TTC28: variants seen among roughly 807,000 people sequenced by gnomAD.
TTC28 encodes tetratricopeptide repeat domain 28, also known as tetratricopeptide repeat protein 28.
TTC28 carries 61 observed loss-of-function variants against 198.0 expected under a neutral mutation model. The ratio of observed to expected loss-of-function variants is 0.31; its 90% CI spans 0.25 to 0.38. The LOEUF is 0.38. Among genes scored for constraint, TTC28 ranks in the 10% least tolerant of loss-of-function variants. The pLI is 1.00. For missense variants in TTC28, 2,678 were observed against 3,164.0 expected (o/e 0.85, Z 3.69); for synonymous variants, 1,171 against 1,297.8 (o/e 0.90, Z 2.10).
chr22:27,983,344 G>C lies in TTC28; in HGVS notation c.6323C>G (p.Ser2108Cys). Residue 2108 changes from serine (S) to cysteine (C), a missense_variant, in exon 23 of 23, where the codon TCT (serine) becomes TGT (cysteine). Ser to Cys is a moderately radical substitution (Grantham distance 112, BLOSUM62 -1). Around this residue, in one of 8 missense-constraint regions of TTC28, gnomAD observed 622 missense variants for 656.0 expected, o/e 0.95. Transcript: ENST00000397906. ...GGGAATCAGAGTCATTTTCACTGGA[G>C]AATTTGGAGTGCTGATGCTCCCTTT... ...SSKGSISTPNSPVKMTLIPSP... is the reference protein window; with the variant it reads ...SSKGSISTPNCPVKMTLIPSP... The C allele has an allele frequency of 6.4e-7, 1 of 1,551,836 alleles. No individual in the cohort carries two copies. The highest frequency in any genetic ancestry group is 8.7e-7 in the Non-Finnish European group (1 of 1,147,096).
At chr22:28,646,962 A>G (rs2051478868) in intron 1 of TTC28, among the ~76,000 whole-genome samples, 1 of 152,224 alleles carries the variant, frequency 6.6e-6, no homozygotes, top group Non-Finnish European at 1.5e-5. Context: ...TGGAGGCATT[A>G]CATTGTTGGA....
chr22:28,309,050 A>G (rs560811413), intron 2 of TTC28, among the ~76,000 whole-genome samples: 1 of 152,202 alleles, frequency 6.6e-6, no homozygotes, highest in Non-Finnish European at 1.5e-5. Flanking sequence ...AGATGTCACT[A>G]TGGAGTTCAA....
At chr22:28,244,177 C>T (rs1398585652) in intron 5 of TTC28, among the ~76,000 whole-genome samples, 1 of 152,008 alleles carries the variant, frequency 6.6e-6, no homozygotes, top group Non-Finnish European at 1.5e-5. Flanking sequence ...GGAAGGAGGA[C>T]AGGCAGAGTT....
intron 2 of TTC28, among the ~76,000 whole-genome samples, chr22:28,308,825 TA>T (rs1412298690): frequency 6.6e-6 from 1 of 152,208 alleles, no homozygotes; most frequent in African/African-American, 2.4e-5. Flanking sequence ...GGTCTTCCCT[TA>T]TGCCCTTCCA....
At chr22:28,475,149 C>CAAAAAAAAAAAAAAAAAAAAAAAA (rs386395148) in intron 2 of TTC28, among the ~76,000 whole-genome samples, 2 of 64,994 alleles carry the variant, frequency 3.1e-5, no homozygotes, top group Non-Finnish European at 5.5e-5. Flanking sequence ...GACTCCATCT[C>CAAAAAAAAAAAAAAAAAAAAAAAA]AAAAAAAAAA....
At chr22:28,399,850 G>A (rs1426227531) in intron 2 of TTC28, among the ~76,000 whole-genome samples, 5 of 152,026 alleles carry the variant, frequency 3.3e-5, no homozygotes, top group African/African-American at 1.2e-4. Context: ...CAACCAAGAG[G>A]AGAATTCACC....
chr22:27,982,681 G>T lies in TTC28; in HGVS notation c.6986C>A (p.Ala2329Asp). ...APSPALSYSS[A>D]GSARSSPADA... Reference sequence around the variant, plus strand: ...TGCTGGACTTGAGCGAGCAGATCCAGCTGAGGAGTAGGAGAGAGCTGGGGA... The same window carrying T: ...TGCTGGACTTGAGCGAGCAGATCCATCTGAGGAGTAGGAGAGAGCTGGGGA... Residue 2329 changes from alanine (A) to aspartate (D), a missense_variant, in exon 23 of 23, where the codon GCT becomes GAT. Ala to Asp is a moderately radical substitution (Grantham distance 126). Transcript: ENST00000397906. The surrounding 1 kb of genome is among the most constrained non-coding windows in gnomAD (Gnocchi z 5.2). 1.9e-6 allele frequency: 3 copies of T among 1,551,734 alleles called. No individual in the cohort carries two copies. Among genetic ancestry groups the T allele is most frequent in the Non-Finnish European group, 2.6e-6 (3 of 1,147,018 alleles).
intron 6 of TTC28, among the ~76,000 whole-genome samples, chr22:28,117,792 T>C (rs1475618202): frequency 1.3e-5 from 2 of 152,216 alleles, no homozygotes; most frequent in Admixed American, 6.5e-5. Context: ...CCCTGAGGAA[T>C]GCTAGGCTCC....
chr22:28,241,290 C>G (rs974102247), intron 5 of TTC28, among the ~76,000 whole-genome samples: 1 of 152,016 alleles, frequency 6.6e-6, no homozygotes, highest in Non-Finnish European at 1.5e-5. Flanking sequence ...AAGGAATATT[C>G]TATAAAATAA....
At chr22:28,662,575 C>T (rs2051765715) in intron 1 of TTC28, among the ~76,000 whole-genome samples, 1 of 152,158 alleles carries the variant, frequency 6.6e-6, no homozygotes, top group Non-Finnish European at 1.5e-5. Context: ...AGAGTACACA[C>T]AATATAAATG....
chr22:28,211,811 A>G (rs943788785), intron 5 of TTC28, among the ~76,000 whole-genome samples: 2 of 152,162 alleles, frequency 1.3e-5, no homozygotes, highest in African/African-American at 4.8e-5. Flanking sequence ...TCTCCACCCC[A>G]AATCAACAGA....
chr22:28,088,664 G>T (rs900208023), intron 12 of TTC28, among the ~76,000 whole-genome samples: 1 of 152,154 alleles, frequency 6.6e-6, no homozygotes, highest in African/African-American at 2.4e-5. Context: ...TTGACAAATG[G>T]GATCTAATTA....
chr22:28,554,371 TAAAAA>T (rs35063705), intron 2 of TTC28, among the ~76,000 whole-genome samples: 1 of 123,134 alleles, frequency 8.1e-6, no homozygotes, highest in African/African-American at 3.0e-5. Context: ...AATGATCAAT[TAAAAA>T]AAAAAAAAAA....
Position 27,983,049 on chromosome 22 carries a change from G to A in TTC28, c.6618C>T (p.Phe2206=), listed in dbSNP as rs777717051. The A allele has an allele frequency of 1.8e-5, 28 of 1,551,716 alleles. No individual in the cohort carries two copies. Among genetic ancestry groups the A allele is most frequent in the Non-Finnish European group, 2.4e-5 (27 of 1,146,986 alleles). The change falls in exon 23 of 23, where the codon TTC becomes TTT. Residue 2206 remains phenylalanine (F), a synonymous_variant. Transcript: ENST00000397906. ...TGAACGCACTGGTTTCTGACGCTCT[G>A]AAGACAGCAGTGCTGCTGGGCGCCT... is the stretch of plus-strand genomic sequence containing the variant. ...GVQAPSSTAV[F]RASETSAFSR...
chr22:28,658,063 T>C (rs2051688475), intron 1 of TTC28, among the ~76,000 whole-genome samples: 1 of 152,224 alleles, frequency 6.6e-6, no homozygotes, highest in Non-Finnish European at 1.5e-5. Context: ...TATGCATTTC[T>C]AGTGTCATGA....
At chr22:28,513,225 G>A (rs1288729105) in intron 2 of TTC28, among the ~76,000 whole-genome samples, 1 of 152,024 alleles carries the variant, frequency 6.6e-6, no homozygotes, top group Non-Finnish European at 1.5e-5. Context: ...GAACAGTCTG[G>A]AAGATATTAG....
rs536427257 is a variant in TTC28, at chr22:28,151,707, T to G, written c.1441+11385A>C. On this transcript the variant is annotated intron_variant, in intron 6 of 22. Coordinates refer to ENST00000397906, the MANE Select transcript of TTC28 (RefSeq NM_001145418.2). Reference sequence around the variant, plus strand: ...TGCTTGGTCAGAAAAATCTCCTGCTTTGGTTGATGCTCTCCATTTCTCTTT... The same window carrying G: ...TGCTTGGTCAGAAAAATCTCCTGCTGTGGTTGATGCTCTCCATTTCTCTTT... Among the ~76,000 whole-genome samples the G allele has an allele frequency of 5.3e-5, 8 of 152,318 alleles. No individual in the cohort carries two copies. In the South Asian group the frequency reaches 1.7e-3, roughly 32 times the overall value.
chr22:28,439,202 C>T (rs1438693558), intron 2 of TTC28, among the ~76,000 whole-genome samples: 1 of 152,096 alleles, frequency 6.6e-6, no homozygotes, highest in Non-Finnish European at 1.5e-5. Context: ...AATGAGGAGG[C>T]AAGATATATA....
intron 1 of TTC28, among the ~76,000 whole-genome samples, chr22:28,652,964 T>A (rs1230556870): frequency 6.6e-6 from 1 of 152,194 alleles, no homozygotes; most frequent in Non-Finnish European, 1.5e-5. Flanking sequence ...CTGAAAGGTT[T>A]TCCTTTCATT....
Sources: gnomAD v4.1 joint callset for allele counts (sites outside exome capture counted in the v4.1 genomes callset) on GRCh38, gnomAD v4.1.1 for gene constraint, gnomAD v4.1.1 regional missense constraint, Gnocchi (gnomAD v3.1) non-coding constraint, MANE v1.5 for transcripts, NCBI Gene and HGNC (gene_info 2026-07-23, HGNC 2026-07-21) for gene names.